The following CSTPP1 variants were observed in gnomAD, a reference collection of about 807,000 sequenced individuals.
The protein encoded by CSTPP1 is centriolar satellite-associated tubulin polyglutamylase complex regulator 1.
At chr11:46,998,514 G>A in the CSTPP1 span, among the ~76,000 whole-genome samples, 1 of 152,188 alleles carries the variant, frequency 6.6e-6, no homozygotes, top group South Asian at 2.1e-4. Flanking sequence ...TTGGCTTGAG[G>A]TAAATTATTC....
At chr11:47,161,346 C>A in the CSTPP1 span, 1 of 1,585,804 alleles carries the variant, frequency 6.3e-7, no homozygotes, top group Non-Finnish European at 8.5e-7. Flanking sequence ...GTCCCTCCCT[C>A]TGAGTCCTTT....
the CSTPP1 span, among the ~76,000 whole-genome samples, chr11:47,089,333 A>T: frequency 6.6e-6 from 1 of 152,126 alleles, no homozygotes; most frequent in Admixed American, 6.5e-5. Flanking sequence ...ATATATATTT[A>T]TATATGGGTC....
the CSTPP1 span, among the ~76,000 whole-genome samples, chr11:47,135,408 T>C: frequency 8.5e-5 from 13 of 152,204 alleles, no homozygotes; most frequent in Admixed American, 2.6e-4. Flanking sequence ...GAGCCAAAAT[T>C]TGAATCCTAG....
chr11:46,957,397 G>A, the CSTPP1 span, among the ~76,000 whole-genome samples: 1 of 152,110 alleles, frequency 6.6e-6, no homozygotes, highest in African/African-American at 2.4e-5. Context: ...TGCATGCAAA[G>A]TAATATTTTA....
chr11:47,011,006 T>C, the CSTPP1 span, among the ~76,000 whole-genome samples: 5 of 152,194 alleles, frequency 3.3e-5, no homozygotes, highest in Non-Finnish European at 7.4e-5. Flanking sequence ...GCTTGAGTGC[T>C]GATGAAATTC....
the CSTPP1 span, among the ~76,000 whole-genome samples, chr11:47,069,984 A>G: frequency 1.3e-5 from 2 of 152,246 alleles, no homozygotes; most frequent in African/African-American, 4.8e-5. Context: ...AAGTGCTGGG[A>G]TTACAGGCAT....
At chr11:47,038,573 G>T in the CSTPP1 span, among the ~76,000 whole-genome samples, 1 of 110,956 alleles carries the variant, frequency 9.0e-6, no homozygotes. Context: ...CGGCTGGCCG[G>T]GCGGGGGGCT....
the CSTPP1 span, among the ~76,000 whole-genome samples, chr11:47,036,048 T>TA: frequency 3.3e-4 from 4 of 12,132 alleles, 1 homozygote; most frequent in East Asian, 1.4e-3. Flanking sequence ...TATATATATA[T>TA]ATATATATTA....
At chr11:46,987,531 G>T in the CSTPP1 span, 4 of 469,954 alleles carry the variant, frequency 8.5e-6, no homozygotes, top group Non-Finnish European at 1.5e-5. Context: ...GATTACAGTA[G>T]CTTAACAACT....
At chr11:47,154,961 G>A in the CSTPP1 span, 1 of 596,968 alleles carries the variant, frequency 1.7e-6, no homozygotes, top group Non-Finnish European at 3.0e-6. Flanking sequence ...TTTGGTGGCA[G>A]AGTCCAATTG....
At chr11:46,946,553 G>A in the CSTPP1 span, among the ~76,000 whole-genome samples, 2 of 152,204 alleles carry the variant, frequency 1.3e-5, no homozygotes, top group Admixed American at 6.5e-5. Flanking sequence ...AGCTACTCGC[G>A]AGGCTGAGGC....
chr11:47,150,828 C>T, the CSTPP1 span, among the ~76,000 whole-genome samples: 1 of 146,686 alleles, frequency 6.8e-6, no homozygotes, highest in African/African-American at 2.5e-5. Flanking sequence ...AGCGGGCTCA[C>T]AGGCCAGATC....
the CSTPP1 span, among the ~76,000 whole-genome samples, chr11:46,957,182 C>T: frequency 6.6e-6 from 1 of 152,116 alleles, no homozygotes; most frequent in African/African-American, 2.4e-5. Context: ...TCTAACTGGT[C>T]CCCCTGCTTC....
chr11:46,949,667 A>G, the CSTPP1 span, among the ~76,000 whole-genome samples: 1 of 142,146 alleles, frequency 7.0e-6, no homozygotes, highest in Non-Finnish European at 1.5e-5. Context: ...AAGAGAAAAT[A>G]ACTTTTTTTT....
the CSTPP1 span, among the ~76,000 whole-genome samples, chr11:46,959,383 G>T: frequency 6.6e-6 from 1 of 151,934 alleles, no homozygotes; most frequent in Non-Finnish European, 1.5e-5. Context: ...TTTTAGTAGG[G>T]CACCTCTGTC....
chr11:47,151,584 G>A, the CSTPP1 span, among the ~76,000 whole-genome samples: 1 of 58,238 alleles, frequency 1.7e-5, no homozygotes, highest in Non-Finnish European at 3.3e-5. Context: ...GATTGGCTTG[G>A]AGCAGAGGGT....
chr11:46,957,026 A>G, the CSTPP1 span, among the ~76,000 whole-genome samples: 1 of 151,818 alleles, frequency 6.6e-6, no homozygotes, highest in African/African-American at 2.4e-5. Flanking sequence ...ATTTTCCTGC[A>G]ATTAATAATT....
the CSTPP1 span, among the ~76,000 whole-genome samples, chr11:46,983,911 C>T: frequency 2.6e-5 from 4 of 152,206 alleles, no homozygotes; most frequent in Non-Finnish European, 5.9e-5. Flanking sequence ...TTCACCCACA[C>T]GTAAAAAGAA....
chr11:47,052,233 C>G, the CSTPP1 span: 1 of 927,932 alleles, frequency 1.1e-6, no homozygotes, highest in South Asian at 1.9e-5. Flanking sequence ...GAGACTTCCC[C>G]ATAGAAGGAC....
Sources: gnomAD v4.1 joint callset for allele counts (sites outside exome capture counted in the v4.1 genomes callset) on GRCh38, gnomAD v4.1.1 for gene constraint, MANE v1.5 for transcripts, NCBI Gene and HGNC (gene_info 2026-07-23, HGNC 2026-07-21) for gene names.